The following RNF14 variants were observed in gnomAD, a reference collection of about 807,000 sequenced individuals.
RNF14 encodes the protein E3 ubiquitin-protein ligase RNF14.
A neutral mutation model predicts 52.6 loss-of-function variants in RNF14; 26 were observed. That is an observed-to-expected ratio of 0.49 (90% confidence interval 0.36 to 0.69). RNF14 has a LOEUF of 0.69. RNF14 is among the 30% of genes least tolerant of loss of function. The pLI is 0.00. For synonymous variants in RNF14, 194 were observed against 202.0 expected (o/e 0.96, Z 0.34); for missense variants, 404 against 560.4 (o/e 0.72, Z 2.82).
chr5:141,971,310 C>T (rs1302872442), intron 2 of RNF14, among the ~76,000 whole-genome samples: 3 of 152,136 alleles, frequency 2.0e-5, no homozygotes, highest in Non-Finnish European at 2.9e-5. Context: ...GGTGCAAACA[C>T]GGCTCACTGC....
chr5:141,957,170 T>C (rs775204819), upstream of RNF14: 10 of 1,614,200 alleles, frequency 6.2e-6, no homozygotes, highest in Non-Finnish European at 8.5e-6. The surrounding 1 kb of genome is among the most constrained non-coding windows in gnomAD (Gnocchi z 4.3). Context: ...TTGACCAAGC[T>C]GGTACCTGAC....
chr5:141,955,849 C>T (rs1355602253), upstream of RNF14: 1 of 1,614,128 alleles, frequency 6.2e-7, no homozygotes. The surrounding 1 kb of genome is among the most constrained non-coding windows in gnomAD (Gnocchi z 5.5). Context: ...CCACTCACTC[C>T]CAATGAGGCT....
intron 2 of RNF14, among the ~76,000 whole-genome samples, chr5:141,972,838 G>T (rs928197401): frequency 6.6e-6 from 1 of 152,120 alleles, no homozygotes. Context: ...TGATTTGCCC[G>T]CCTCGGCCTA....
upstream of RNF14, chr5:141,957,180 CT>C (rs1753199287): frequency 6.2e-7 from 1 of 1,614,102 alleles, no homozygotes; most frequent in African/African-American, 1.3e-5. This position sits in a 1 kb window ranked among gnomAD's most constrained non-coding sequence, Gnocchi z 4.3. Flanking sequence ...TGGTACCTGA[CT>C]TGGGGGGGTT....
upstream of RNF14, chr5:141,955,370 T>G (rs1022578367): frequency 6.2e-7 from 1 of 1,614,082 alleles, no homozygotes; most frequent in African/African-American, 1.3e-5. This position sits in a 1 kb window ranked among gnomAD's most constrained non-coding sequence, Gnocchi z 5.5. Flanking sequence ...TTGCCTTGAT[T>G]ACGCAGCGTC....
At chr5:141,971,566 TC>T (rs57620589) in intron 2 of RNF14, among the ~76,000 whole-genome samples, 113,172 of 139,764 alleles carry the variant, frequency 0.81, 43,789 homozygotes, top group East Asian at 0.98. Flanking sequence ...AATTTCTTTT[TC>T]TTTCTTTCTT....
chr5:141,974,678 A>G, intron 3 of RNF14, 126 bp from the exon 4 acceptor site: 1 of 842,594 alleles, frequency 1.2e-6, no homozygotes, highest in East Asian at 2.8e-5. Context: ...AGAAATAGAA[A>G]GTGCTTTGGG....
chr5:141,955,803 G>A (rs765946196), upstream of RNF14: 1 of 1,613,884 alleles, frequency 6.2e-7, no homozygotes, highest in Admixed American at 1.7e-5. This position sits in a 1 kb window ranked among gnomAD's most constrained non-coding sequence, Gnocchi z 5.5. Flanking sequence ...TCTGTAAGGG[G>A]GGGCTTCCCT....
intron 4 of RNF14, among the ~76,000 whole-genome samples, chr5:141,975,419 G>T (rs1208057420): frequency 1.3e-5 from 2 of 152,088 alleles, no homozygotes; most frequent in Non-Finnish European, 2.9e-5. Context: ...GATTTTCTTT[G>T]TAAAAATCTG....
At chr5:141,975,087 C>T (rs1032295562) in intron 4 of RNF14, 132 bp downstream of exon 4, 2 of 938,528 alleles carry the variant, frequency 2.1e-6, no homozygotes, top group Non-Finnish European at 3.2e-6. Context: ...ATTTTTTTCC[C>T]TTGCCTTGGT....
At chr5:141,951,362 G>A in the RNF14 span, 2 of 675,484 alleles carry the variant, frequency 3.0e-6, no homozygotes, top group Admixed American at 2.4e-5. Context: ...GAGGATGGAT[G>A]CTGTCTGCTG....
At chr5:141,956,234 T>C (rs1435257970), upstream of RNF14, 1 of 1,614,092 alleles carries the variant, frequency 6.2e-7, no homozygotes, top group African/African-American at 1.3e-5. Context: ...GGTTGCCCGC[T>C]GTCCTCTGCG....
chr5:141,957,630 C>G (rs537271393), upstream of RNF14: 1 of 1,614,176 alleles, frequency 6.2e-7, no homozygotes, highest in East Asian at 2.2e-5. The surrounding 1 kb of genome is among the most constrained non-coding windows in gnomAD (Gnocchi z 4.3). Context: ...GAATGGGGAG[C>G]GCCTGAGGCA....
At chr5:141,949,732 T>C in the RNF14 span, 366 of 789,330 alleles carry the variant, frequency 4.6e-4, 3 homozygotes, top group Middle Eastern at 2.6e-3. Flanking sequence ...GATCATGTGA[T>C]TCCCGCCCTC....
At chr5:141,956,147 C>G, upstream of RNF14, 1 of 1,614,184 alleles carries the variant, frequency 6.2e-7, no homozygotes, top group Non-Finnish European at 8.5e-7. Flanking sequence ...TCGCTGAGCA[C>G]AGGCTGGACC....
upstream of RNF14, chr5:141,955,305 AAGG>A (rs1753159091): frequency 6.2e-7 from 1 of 1,614,156 alleles, no homozygotes; most frequent in East Asian, 2.2e-5. The surrounding 1 kb of genome is among the most constrained non-coding windows in gnomAD (Gnocchi z 5.5). Flanking sequence ...GATGGTTGAA[AAGG>A]AGGTTGACCG....
chr5:141,989,300 C>T lies in RNF14; in HGVS notation c.*1510C>T, dbSNP rs1321726465. The T allele has an allele frequency of 1.3e-5, 2 of 152,264 alleles. No homozygotes were observed. Among genetic ancestry groups the T allele is most frequent in the East Asian group, 3.8e-4 (2 of 5,284 alleles). 9.4% of individuals were successfully genotyped at this position (152,264 alleles called of 1,614,324 possible). On this transcript the variant is annotated 3_prime_UTR_variant, in exon 9 of 9. Coordinates refer to ENST00000394520, the MANE Select transcript of RNF14 (RefSeq NM_004290.5). Reference sequence around the variant, plus strand: ...AAAAAAAGGTCACAGAATAGCATCTCTTTTACCTGGGCTTGTGACTGAGCT... The same window carrying T: ...AAAAAAAGGTCACAGAATAGCATCTTTTTTACCTGGGCTTGTGACTGAGCT...
chr5:141,984,069 C>T (rs1167345198), intron 7 of RNF14, among the ~76,000 whole-genome samples: 1 of 151,398 alleles, frequency 6.6e-6, no homozygotes, highest in East Asian at 1.9e-4. Context: ...ATAGTGGGCT[C>T]CAGTTAAGGA....
chr5:141,959,904 G>A (rs1021375138), intron 1 of RNF14, among the ~76,000 whole-genome samples: 2 of 152,208 alleles, frequency 1.3e-5, no homozygotes, highest in African/African-American at 2.4e-5. Flanking sequence ...ATCTCACAAG[G>A]TGGGGTAAGG....
Sources: gnomAD v4.1 joint callset for allele counts (sites outside exome capture counted in the v4.1 genomes callset) on GRCh38, gnomAD v4.1.1 for gene constraint, Gnocchi (gnomAD v3.1) non-coding constraint, MANE v1.5 for transcripts, NCBI Gene and HGNC (gene_info 2026-07-23, HGNC 2026-07-21) for gene names.